The following SIK3 variants were observed in gnomAD, a reference collection of about 807,000 sequenced individuals.
SIK3 encodes serine/threonine-protein kinase SIK3.
In SIK3, 28 loss-of-function variants were observed where a neutral mutation model predicts 144.2. The ratio of observed to expected loss-of-function variants is 0.19; its 90% CI spans 0.14 to 0.27. The LOEUF is 0.27. Among genes scored for constraint, SIK3 ranks in the 10% least tolerant of loss-of-function variants. The pLI is 1.00. For synonymous variants in SIK3, 686 were observed against 676.3 expected (o/e 1.01, Z -0.22); for missense variants, 1,319 against 1,776.0 (o/e 0.74, Z 4.62).
intron 2 of SIK3, among the ~76,000 whole-genome samples, chr11:116,956,465 AG>A (rs1436389357): frequency 1.3e-5 from 2 of 152,142 alleles, no homozygotes; most frequent in African/African-American, 4.8e-5. Context: ...AATAGAAAAG[AG>A]GTAGGTTTTG....
intron 1 of SIK3, among the ~76,000 whole-genome samples, chr11:117,011,827 A>G (rs1408995538): frequency 2.6e-5 from 4 of 152,042 alleles, no homozygotes; most frequent in African/African-American, 9.7e-5. Flanking sequence ...ATTTTTTTTA[A>G]TTAGGCATGG....
intron 1 of SIK3, among the ~76,000 whole-genome samples, chr11:117,005,044 A>G (rs1591519825): frequency 6.6e-6 from 1 of 152,288 alleles, no homozygotes; most frequent in East Asian, 1.9e-4. Flanking sequence ...TAAAACCCCT[A>G]TCTCCTAATC....
At chr11:116,906,527 C>T (rs1446743456) in intron 4 of SIK3, among the ~76,000 whole-genome samples, 1 of 151,848 alleles carries the variant, frequency 6.6e-6, no homozygotes, top group Admixed American at 6.6e-5. Context: ...TCCCTAGGTG[C>T]GAGAACAGAA....
At chr11:116,950,231 T>C (rs970133512) in intron 3 of SIK3, 8 of 454,290 alleles carry the variant, frequency 1.8e-5, no homozygotes, top group Non-Finnish European at 3.6e-5. Context: ...CGGGGCAGAA[T>C]GAGAATTGCT....
chr11:117,098,095 TC>T, intron 1 of SIK3, 47 bp downstream of exon 1: 1 of 1,366,194 alleles, frequency 7.3e-7, no homozygotes, highest in Non-Finnish European at 9.5e-7. Flanking sequence ...CGCGGACCTC[TC>T]CCGGCCCCGC....
chr11:116,967,583 T>A (rs573397825), intron 1 of SIK3, among the ~76,000 whole-genome samples: 13 of 152,252 alleles, frequency 8.5e-5, no homozygotes, highest in East Asian at 3.9e-4. Context: ...TAAACCCTCA[T>A]CTCTTGACAT....
In SIK3 at chr11:116,844,927, G is replaced by A. The variant is rs1941835037; in HGVS notation, c.*716C>T. ...CCTAACTGGCAAACCATCTATGCCAGGTCATTCTCAGCCTCCGTGCCAAAC... is the reference window on the plus strand; with the variant it reads ...CCTAACTGGCAAACCATCTATGCCAAGTCATTCTCAGCCTCCGTGCCAAAC... On this transcript the variant is annotated 3_prime_UTR_variant, in exon 25 of 25. Coordinates refer to ENST00000445177, the MANE Select transcript of SIK3 (RefSeq NM_001366686.3). The A allele has an allele frequency of 6.6e-6, 1 of 151,824 alleles. No individual in the cohort carries two copies. The highest frequency in any genetic ancestry group is 2.1e-4 in the South Asian group (1 of 4,824). 9.4% of individuals were successfully genotyped at this position (151,824 alleles called of 1,614,324 possible). A position where few individuals can be genotyped will look rare whatever the true frequency, so the allele number is the denominator to read the frequency against.
intron 4 of SIK3, among the ~76,000 whole-genome samples, chr11:116,909,202 A>T (rs905407834): frequency 6.6e-6 from 1 of 152,176 alleles, no homozygotes; most frequent in Non-Finnish European, 1.5e-5. Flanking sequence ...CATTCAAAAC[A>T]AGCAAAACTA....
intron 4 of SIK3, among the ~76,000 whole-genome samples, chr11:116,917,772 G>A (rs999337936): frequency 1.4e-5 from 2 of 143,314 alleles, no homozygotes; most frequent in African/African-American, 2.7e-5. Context: ...GAGAGAGAAA[G>A]AACGAAAGAA....
intron 12 of SIK3, 85 bp downstream of exon 12, chr11:116,873,818 A>C (rs1440921845): frequency 4.0e-6 from 6 of 1,518,650 alleles, no homozygotes; most frequent in African/African-American, 2.8e-5. Context: ...TAAACCCTTA[A>C]GTCCTAGGGA....
At chr11:116,907,874 G>A (rs1439521900) in intron 4 of SIK3, among the ~76,000 whole-genome samples, 2 of 151,134 alleles carry the variant, frequency 1.3e-5, no homozygotes, top group African/African-American at 2.4e-5. Flanking sequence ...GGAACAACTC[G>A]TTATTCATAT....
chr11:117,097,446 C>T (rs928308324), intron 1 of SIK3, among the ~76,000 whole-genome samples: 18 of 144,714 alleles, frequency 1.2e-4, no homozygotes, highest in Admixed American at 1.2e-3. Context: ...ACCCCCACCT[C>T]ACTCCCCCAT....
At chr11:117,077,870 T>TA (rs942564633) in intron 1 of SIK3, among the ~76,000 whole-genome samples, 2 of 152,164 alleles carry the variant, frequency 1.3e-5, no homozygotes, top group African/African-American at 4.8e-5. Context: ...GGGTGGAGAC[T>TA]AAGGGTCCCA....
rs1591387614 is a variant in SIK3, at chr11:116,858,248, C to G, written c.3217G>C (p.Gly1073Arg). 6.2e-7 allele frequency: 1 copy of G among 1,614,056 alleles called. No individual in the cohort carries two copies. Among genetic ancestry groups the G allele is most frequent in the East Asian group, 2.2e-5 (1 of 44,886 alleles). The part of the protein sequence containing the change: ...YQELFRHMNQ[G>R]DAGSLAPSLG... ...CTGGGAGCCAGACTCCCCGCATCCCCTTGGTTCATGTGCCTGAACAGTTCC... is the reference window on the plus strand; with the variant it reads ...CTGGGAGCCAGACTCCCCGCATCCCGTTGGTTCATGTGCCTGAACAGTTCC... Residue 1073 changes from glycine to arginine, a missense_variant, in exon 21 of 25, where the codon GGG (glycine) becomes CGG (arginine). This residue lies in a region of SIK3 where 646 missense variants were observed against 763.7 expected (regional missense o/e 0.85). Transcript: ENST00000445177. The surrounding 1 kb of genome is among the most constrained non-coding windows in gnomAD (Gnocchi z 5.4).
intron 1 of SIK3, among the ~76,000 whole-genome samples, chr11:117,027,174 G>C (rs1398244239): frequency 6.6e-6 from 1 of 152,148 alleles, no homozygotes; most frequent in African/African-American, 2.4e-5. Flanking sequence ...CTACCCATCA[G>C]ACTTAAAGGT....
At chr11:116,855,916 AGCCGG>A (rs1942873957) in intron 21 of SIK3, among the ~76,000 whole-genome samples, 1 of 152,230 alleles carries the variant, frequency 6.6e-6, no homozygotes, top group Non-Finnish European at 1.5e-5. Flanking sequence ...ATGTGAGCTC[AGCCGG>A]GCGCGGTGGC....
intron 12 of SIK3, 124 bp from the exon 13 acceptor site, chr11:116,873,760 C>T (rs1944092764): frequency 6.8e-7 from 1 of 1,460,394 alleles, no homozygotes; most frequent in Non-Finnish European, 9.2e-7. Flanking sequence ...GAGGACGCTT[C>T]CCGCTCACCC....
chr11:116,940,396 A>G (rs1187214914), intron 3 of SIK3, among the ~76,000 whole-genome samples: 1 of 151,652 alleles, frequency 6.6e-6, no homozygotes, highest in East Asian at 1.9e-4. Flanking sequence ...CGCCCAGCTA[A>G]TTTTTGTATT....
intron 1 of SIK3, among the ~76,000 whole-genome samples, chr11:117,034,684 C>T (rs924165975): frequency 1.3e-5 from 2 of 152,110 alleles, no homozygotes; most frequent in African/African-American, 2.4e-5. Context: ...GATGCCAGCA[C>T]GATTCCAATT....
Sources: gnomAD v4.1 joint callset for allele counts (sites outside exome capture counted in the v4.1 genomes callset) on GRCh38, gnomAD v4.1.1 for gene constraint, gnomAD v4.1.1 regional missense constraint, Gnocchi (gnomAD v3.1) non-coding constraint, MANE v1.5 for transcripts, NCBI Gene and HGNC (gene_info 2026-07-23, HGNC 2026-07-21) for gene names.